PPARA: variants seen among roughly 807,000 people sequenced by gnomAD.
The protein encoded by PPARA is peroxisome proliferator activated receptor alpha.
PPARA carries 22 observed loss-of-function variants against 42.2 expected under a neutral mutation model. The ratio of observed to expected loss-of-function variants is 0.52; its 90% CI spans 0.37 to 0.74. The LOEUF (loss-of-function observed/expected upper bound fraction) is 0.74, where lower values mean the gene tolerates loss of function less well. Ranked by LOEUF, PPARA falls within the 30% of genes least tolerant of loss-of-function variation. PPARA has a pLI of 0.00. For missense variants in PPARA, 465 were observed against 608.2 expected (o/e 0.76, Z 2.48); for synonymous variants, 242 against 239.3 (o/e 1.01, Z -0.10).
rs1933075482 is a variant in PPARA, at chr22:46,204,902, C to G, written c.208+6311C>G. On this transcript the variant is annotated intron_variant, in intron 4 of 8. Coordinates refer to ENST00000407236, the MANE Select transcript of PPARA (RefSeq NM_005036.6). This position sits in a 1 kb window ranked among gnomAD's most constrained non-coding sequence, Gnocchi z 5.2. ...TTTGTTTTTGAGATAGGGTCTCAAT[C>G]TATTGCCCAGGCTAGAGTGCAGTGG... is the stretch of plus-strand genomic sequence containing the variant. Among the ~76,000 whole-genome samples, 1 of 151,962 alleles carries G rather than the reference C, an allele frequency of 6.6e-6. No homozygotes were observed. The highest frequency in any genetic ancestry group is 1.5e-5 in the Non-Finnish European group (1 of 67,992).
At position 46,203,959 on chromosome 22, in the gene PPARA, G is replaced by A. The variant is rs73886759; in HGVS notation, c.208+5368G>A. On this transcript the variant is annotated intron_variant, in intron 4 of 8. Transcript: ENST00000407236. This position sits in a 1 kb window ranked among gnomAD's most constrained non-coding sequence, Gnocchi z 5.8. ...GCATCTATCAGTAGTGCCTCTGTCT[G>A]TCACCCCTAAAGTTTACTTGTGCTG... is the stretch of plus-strand genomic sequence containing the variant. 0.021 allele frequency among the ~76,000 whole-genome samples: 3,243 copies of A among 152,214 alleles called. 113 individuals carry two copies. The highest frequency in any genetic ancestry group is 0.075 in the African/African-American group (3,092 of 41,478).
In PPARA at chr22:46,161,004, G is replaced by T. The variant is rs1401093653; in HGVS notation, c.-127+9034G>T. On this transcript the variant is annotated intron_variant, in intron 2 of 8. Coordinates refer to ENST00000407236, the MANE Select transcript of PPARA (RefSeq NM_005036.6). The surrounding 1 kb of genome is among the most constrained non-coding windows in gnomAD (Gnocchi z 4.8). ...AGGTTGGCTGTTAGTGTCTAGGTCAGAAGTCTAAGTGAAAGTGAATATTTA... is the reference window on the plus strand; with the variant it reads ...AGGTTGGCTGTTAGTGTCTAGGTCATAAGTCTAAGTGAAAGTGAATATTTA... 6.6e-6 allele frequency among the ~76,000 whole-genome samples: 1 copy of T among 152,168 alleles called. No individual in the cohort carries two copies. Among genetic ancestry groups the T allele is most frequent in the African/African-American group, 2.4e-5 (1 of 41,440 alleles).
intron 4 of PPARA, among the ~76,000 whole-genome samples, chr22:46,205,115 C>T (rs545772909): frequency 1.9e-3 from 288 of 152,132 alleles, no homozygotes; most frequent in African/African-American, 6.4e-3. Context: ...CCTCCCACTT[C>T]GGCCTCCCAA....
At position 46,225,787 on chromosome 22, in the gene PPARA, ACCCC is replaced by A. The variant is rs58090926; in HGVS notation, c.711+5775_711+5778del. On this transcript the variant is annotated intron_variant, in intron 7 of 8. Transcript: ENST00000407236. This position sits in a 1 kb window ranked among gnomAD's most constrained non-coding sequence, Gnocchi z 4.1. ...CATGCATGCACGTGTAAACACACAC[ACCCC>A]CACACATACACGTGCACCCACACAT... Among the ~76,000 whole-genome samples the A allele has an allele frequency of 6.7e-6, 1 of 150,274 alleles. No individual in the cohort carries two copies. The highest frequency in any genetic ancestry group is 2.5e-5 in the African/African-American group (1 of 40,600).
rs746964673 is a variant in PPARA, at chr22:46,219,946, T to C, written c.643T>C (p.Leu215=). 6.2e-7 allele frequency: 1 copy of C among 1,614,228 alleles called. No homozygotes were observed. The highest frequency in any genetic ancestry group is 2.2e-5 in the East Asian group (1 of 44,884). The change falls in exon 7 of 9, where the codon TTG becomes CTG. Residue 215 remains leucine, a synonymous_variant. Transcript: ENST00000407236. This position sits in a 1 kb window ranked among gnomAD's most constrained non-coding sequence, Gnocchi z 4.8. ...SLAKRIYEAY[L]KNFNMNKVKA... is the part of the protein sequence containing the mutation. ...GGCCAAGAGAATCTACGAGGCCTAC[T>C]TGAAGAACTTCAACATGAACAAGGT...
Position 46,232,835 on chromosome 22 carries a change from A to T in PPARA, c.1159+596A>T, listed in dbSNP as rs1008785360. ...TACAAAAAAAAAAATAGAAAAAATT[A>T]GTCAAGTATGGTGGCATGTACCTGT... On this transcript the variant is annotated intron_variant, in intron 8 of 8. Coordinates refer to ENST00000407236, the MANE Select transcript of PPARA (RefSeq NM_005036.6). The surrounding 1 kb of genome is among the most constrained non-coding windows in gnomAD (Gnocchi z 5.3). Among the ~76,000 whole-genome samples the T allele has an allele frequency of 6.6e-6, 1 of 150,970 alleles. No individual in the cohort carries two copies. Among genetic ancestry groups the T allele is most frequent in the Non-Finnish European group, 1.5e-5 (1 of 67,838 alleles).
In PPARA at chr22:46,219,774, T is replaced by G. The variant is rs534783260; in HGVS notation, c.509-38T>G. Reference sequence around the variant, plus strand: ...CAGCCCTGTCCGCGCAGTCATGACCTCACTGCTCATGCCTGTGTTTCCCCC... The same window carrying G: ...CAGCCCTGTCCGCGCAGTCATGACCGCACTGCTCATGCCTGTGTTTCCCCC... On this transcript the variant is annotated intron_variant, in intron 6 of 8. Transcript: ENST00000407236. The surrounding 1 kb of genome is among the most constrained non-coding windows in gnomAD (Gnocchi z 4.8). 1.0e-5 allele frequency: 16 copies of G among 1,602,348 alleles called. No homozygotes were observed. In the South Asian group the frequency reaches 1.8e-4, roughly 18 times the overall value.
rs1321258760 is a variant in PPARA, at chr22:46,235,729, G to A, written c.*349G>A. On this transcript the variant is annotated 3_prime_UTR_variant, in exon 9 of 9. Transcript: ENST00000407236. The surrounding 1 kb of genome is among the most constrained non-coding windows in gnomAD (Gnocchi z 7.0). ...TAATTAACTGGTAACCTCAAAATTCGTGGCCTGTCTTCCCATTCACCCCGC... is the reference window on the plus strand; with the variant it reads ...TAATTAACTGGTAACCTCAAAATTCATGGCCTGTCTTCCCATTCACCCCGC... 2 of 336,850 alleles carry A rather than the reference G, an allele frequency of 5.9e-6. No homozygotes were observed. Among genetic ancestry groups the A allele is most frequent in the Non-Finnish European group, 1.1e-5 (2 of 174,838 alleles). 20.9% of individuals were successfully genotyped at this position (336,850 alleles called of 1,614,324 possible). A position where few individuals can be genotyped will look rare whatever the true frequency, so the allele number is the denominator to read the frequency against.
At position 46,191,153 on chromosome 22, in the gene PPARA, A is replaced by G. The variant is rs1352902199; in HGVS notation, c.-42-7189A>G. Among the ~76,000 whole-genome samples, 1 of 151,638 alleles carries G rather than the reference A, an allele frequency of 6.6e-6. No homozygotes were observed. The highest frequency in any genetic ancestry group is 1.5e-5 in the Non-Finnish European group (1 of 67,870). ...GGGTTGCAGTGAGCCGAGATTGCACAACTGCACTCCAGCCTGGGTGACAGA... is the reference window on the plus strand; with the variant it reads ...GGGTTGCAGTGAGCCGAGATTGCACGACTGCACTCCAGCCTGGGTGACAGA... On this transcript the variant is annotated intron_variant, in intron 3 of 8. Transcript: ENST00000407236. This position sits in a 1 kb window ranked among gnomAD's most constrained non-coding sequence, Gnocchi z 4.6.
In PPARA at chr22:46,160,055, T is replaced by C. The variant is rs909845785; in HGVS notation, c.-127+8085T>C. The stretch of plus-strand genomic sequence containing the variant: ...CACTGCAGCAGCCTGAAAACCACAG[T>C]CTTGAACCGCCAGCGAAGGGCTGGG... On this transcript the variant is annotated intron_variant, in intron 2 of 8. Transcript: ENST00000407236. The surrounding 1 kb of genome is among the most constrained non-coding windows in gnomAD (Gnocchi z 4.5). 6.6e-6 allele frequency among the ~76,000 whole-genome samples: 1 copy of C among 152,034 alleles called. No individual in the cohort carries two copies. Among genetic ancestry groups the C allele is most frequent in the African/African-American group, 2.4e-5 (1 of 41,392 alleles).
At position 46,173,009 on chromosome 22, in the gene PPARA, ATG is replaced by A. The variant is rs1384243568; in HGVS notation, c.-126-3743_-126-3742del. Among the ~76,000 whole-genome samples the A allele has an allele frequency of 6.6e-6, 1 of 152,188 alleles. No homozygotes were observed. Among genetic ancestry groups the A allele is most frequent in the Non-Finnish European group, 1.5e-5 (1 of 68,028 alleles). ...CAGAAAATTCCATTTTTACCCTTAA[ATG>A]GCTTGCTTCTGCTCCCTTAGTGTTC... On this transcript the variant is annotated intron_variant, in intron 2 of 8. Coordinates refer to ENST00000407236, the MANE Select transcript of PPARA (RefSeq NM_005036.6). This position sits in a 1 kb window ranked among gnomAD's most constrained non-coding sequence, Gnocchi z 4.3.
chr22:46,178,298 C>G (rs1929464405), intron 3 of PPARA, among the ~76,000 whole-genome samples: 1 of 152,196 alleles, frequency 6.6e-6, no homozygotes. Flanking sequence ...ATTACAGACT[C>G]CATTTTCCAG....
rs537141703 is a variant in PPARA at position 46,174,162 on chromosome 22, G to A, written c.-126-2591G>A. ...CACTGCACTGCAGCCTGGCAACAGA[G>A]CAAGACTCTGTCTTGAAAGAAGGAA... On this transcript the variant is annotated intron_variant, in intron 2 of 8. Coordinates refer to ENST00000407236, the MANE Select transcript of PPARA (RefSeq NM_005036.6). Among the ~76,000 whole-genome samples, 6 of 146,366 alleles carry A rather than the reference G, an allele frequency of 4.1e-5. No homozygotes were observed. The South Asian group carries it at 1.3e-3, about 32-fold the overall frequency.
In PPARA at chr22:46,196,950, TG is replaced by T. The variant is rs2147369766; in HGVS notation, c.-42-1391del. Among the ~76,000 whole-genome samples the T allele has an allele frequency of 6.6e-6, 1 of 152,290 alleles. No homozygotes were observed. The highest frequency in any genetic ancestry group is 1.5e-5 in the Non-Finnish European group (1 of 68,016). On this transcript the variant is annotated intron_variant, in intron 3 of 8. Coordinates refer to ENST00000407236, the MANE Select transcript of PPARA (RefSeq NM_005036.6). This position sits in a 1 kb window ranked among gnomAD's most constrained non-coding sequence, Gnocchi z 5.6. ...GTTGGTCAAGCTGCCCTCCAACTCC[TG>T]ACCTCGTGATCTGCCCACCTGGGCC...
chr22:46,240,150 T>A lies in PPARA; in HGVS notation c.*4770T>A. The A allele has an allele frequency of 2.5e-6, 1 of 398,698 alleles. No homozygotes were observed. Among genetic ancestry groups the A allele is most frequent in the Non-Finnish European group, 4.4e-6 (1 of 226,142 alleles). The allele number at this position is 398,698 out of a possible 1,614,324, so 24.7% of individuals were successfully genotyped here. On this transcript the variant is annotated 3_prime_UTR_variant, in exon 9 of 9. Coordinates refer to ENST00000407236, the MANE Select transcript of PPARA (RefSeq NM_005036.6). The surrounding 1 kb of genome is among the most constrained non-coding windows in gnomAD (Gnocchi z 6.0). ...ACAGTGTGGCCTTTCAAAATGCAGATGCCACCAGGAGAACATGCCCACAGC... is the reference window on the plus strand; with the variant it reads ...ACAGTGTGGCCTTTCAAAATGCAGAAGCCACCAGGAGAACATGCCCACAGC...
In PPARA at chr22:46,241,869, C is replaced by T. The variant is rs976914371; in HGVS notation, c.*6489C>T. ...ATGTCTTGATGGACGCAGCTGATGA[C>T]CTCAAATACTTGAGTGGTCTCATGG... On this transcript the variant is annotated 3_prime_UTR_variant, in exon 9 of 9. Transcript: ENST00000407236. The surrounding 1 kb of genome is among the most constrained non-coding windows in gnomAD (Gnocchi z 5.7). 1 of 146,656 alleles carries T rather than the reference C, an allele frequency of 6.8e-6. No individual in the cohort carries two copies. Among genetic ancestry groups the T allele is most frequent in the Non-Finnish European group, 1.5e-5 (1 of 67,510 alleles). The allele number at this position is 146,656 out of a possible 1,614,324, so 9.1% of individuals were successfully genotyped here.
Position 46,184,893 on chromosome 22 carries a change from C to T in PPARA, c.-43+8057C>T, listed in dbSNP as rs4253688. ...AGTATTCTGTTGGATCGTTTGTGTG[C>T]GACGTGTTTTTCCCTCTCAGAAAGC... On this transcript the variant is annotated intron_variant, in intron 3 of 8. Coordinates refer to ENST00000407236, the MANE Select transcript of PPARA (RefSeq NM_005036.6). This position sits in a 1 kb window ranked among gnomAD's most constrained non-coding sequence, Gnocchi z 4.4. 5.8e-3 allele frequency among the ~76,000 whole-genome samples: 884 copies of T among 152,228 alleles called. 10 individuals carry two copies. The highest frequency in any genetic ancestry group is 0.021 in the African/African-American group (856 of 41,524).
chr22:46,205,555 T>TATATATATATG (rs1491143261), intron 4 of PPARA, among the ~76,000 whole-genome samples: 1 of 13,392 alleles, frequency 7.5e-5, no homozygotes, highest in Non-Finnish European at 1.5e-4. Context: ...TATATATATA[T>TATATATATATG]TTTTTTTTTT....
Position 46,233,871 on chromosome 22 carries a change from T to C in PPARA, c.1160-1262T>C, listed in dbSNP as rs977024997. ...CAGAGTCTCCGTCTGTCACCCTGGCTGGAGTGCAGTGGCACGATCTCAGGT... is the reference window on the plus strand; with the variant it reads ...CAGAGTCTCCGTCTGTCACCCTGGCCGGAGTGCAGTGGCACGATCTCAGGT... On this transcript the variant is annotated intron_variant, in intron 8 of 8. Transcript: ENST00000407236. The surrounding 1 kb of genome is among the most constrained non-coding windows in gnomAD (Gnocchi z 7.3). Among the ~76,000 whole-genome samples, 5 of 152,086 alleles carry C rather than the reference T, an allele frequency of 3.3e-5. No individual in the cohort carries two copies. In the South Asian group the frequency reaches 1.0e-3, roughly 32 times the overall value.
Sources: gnomAD v4.1 joint callset for allele counts (sites outside exome capture counted in the v4.1 genomes callset) on GRCh38, gnomAD v4.1.1 for gene constraint, Gnocchi (gnomAD v3.1) non-coding constraint, MANE v1.5 for transcripts, NCBI Gene and HGNC (gene_info 2026-07-23, HGNC 2026-07-21) for gene names.